The following CPO variants were observed in gnomAD, a reference collection of about 807,000 sequenced individuals.
The protein encoded by CPO is carboxypeptidase O, also known as metallocarboxypeptidase C.
In CPO, 43 loss-of-function variants were observed where a neutral mutation model predicts 41.2. The ratio of observed to expected loss-of-function variants is 1.04; its 90% CI spans 0.82 to 1.35. The LOEUF (loss-of-function observed/expected upper bound fraction) is 1.35, where lower values mean the gene tolerates loss of function less well. Among genes scored for constraint, CPO ranks in the 40% most tolerant of loss-of-function variants. CPO has a pLI of 0.00. For synonymous variants in CPO, 178 were observed against 162.7 expected (o/e 1.09, Z -0.72); for missense variants, 408 against 451.7 (o/e 0.90, Z 0.88).
At chr2:206,952,120 C>CT (rs11456482) in intron 2 of CPO, among the ~76,000 whole-genome samples, 102,683 of 149,174 alleles carry the variant, frequency 0.69, 35,558 homozygotes, top group Middle Eastern at 0.82. Flanking sequence ...CCTCAATTAA[C>CT]TTTTTTTTTT....
intron 7 of CPO, among the ~76,000 whole-genome samples, chr2:206,968,054 G>T (rs991489499): frequency 2.6e-5 from 4 of 152,196 alleles, no homozygotes; most frequent in African/African-American, 9.7e-5. Context: ...ATGAAAGTCA[G>T]AGCAGCCTTA....
chr2:206,958,108 T>C lies in CPO; in HGVS notation c.268-193T>C, dbSNP rs189973830. On this transcript the variant is annotated intron_variant, in intron 3 of 8. Coordinates refer to ENST00000272852, the MANE Select transcript of CPO (RefSeq NM_173077.3). ...TCCTGAGAACAACCATCAAGGTAAC[T>C]GGCAGGAGAACAAGAGTAGCAGAGG... 7.6e-3 allele frequency among the ~76,000 whole-genome samples: 1,163 copies of C among 152,288 alleles called. 20 individuals carry two copies. The highest frequency in any genetic ancestry group is 0.027 in the African/African-American group (1,117 of 41,556).
intron 7 of CPO, among the ~76,000 whole-genome samples, chr2:206,963,352 G>A (rs1323716834): frequency 6.6e-6 from 1 of 151,834 alleles, no homozygotes; most frequent in Admixed American, 6.6e-5. Flanking sequence ...CGTTTTAATT[G>A]TGGTAAAATA....
intron 1 of CPO, among the ~76,000 whole-genome samples, chr2:206,943,702 A>G (rs1559068285): frequency 7.8e-5 from 11 of 141,860 alleles, no homozygotes; most frequent in Non-Finnish European, 1.1e-4. Context: ...ATAGATAGAT[A>G]GATAGATAGA....
chr2:206,957,194 G>A (rs1203889546), intron 3 of CPO, among the ~76,000 whole-genome samples: 2 of 151,982 alleles, frequency 1.3e-5, no homozygotes, highest in African/African-American at 4.8e-5. Context: ...TAGCTAACAC[G>A]GTAAAACCCC....
chr2:206,949,637 A>C lies in CPO; in HGVS notation c.89A>C (p.Gln30Pro). The C allele has an allele frequency of 6.2e-7, 1 of 1,613,206 alleles. No individual in the cohort carries two copies. The highest frequency in any genetic ancestry group is 2.2e-5 in the East Asian group (1 of 44,868). ...GYDRSLAQHR[Q>P]EIVDKSVSPW... Reference sequence around the variant, plus strand: ...TGCAGATCCTTAGCCCAACACAGACAAGAGATTGTGGACAAGTCAGTGAGT... The same window carrying C: ...TGCAGATCCTTAGCCCAACACAGACCAGAGATTGTGGACAAGTCAGTGAGT... Residue 30 changes from glutamine to proline, a missense_variant, in exon 2 of 9, where the codon CAA becomes CCA. By Grantham distance (76) the Gln-to-Pro change is moderately conservative. Coordinates refer to ENST00000272852, the MANE Select transcript of CPO (RefSeq NM_173077.3).
chr2:206,949,579 T>C (rs772034976), intron 1 of CPO, 38 bp from the exon 2 acceptor site: 2 of 1,488,490 alleles, frequency 1.3e-6, no homozygotes, highest in Admixed American at 1.7e-5. Flanking sequence ...TATCCCAGTT[T>C]CACCACTGCT....
At chr2:206,951,785 A>C (rs1232344809) in intron 2 of CPO, among the ~76,000 whole-genome samples, 1 of 152,238 alleles carries the variant, frequency 6.6e-6, no homozygotes, top group Non-Finnish European at 1.5e-5. Context: ...TCTATCTTGT[A>C]GCATTGTTGT....
intron 7 of CPO, 62 bp downstream of exon 7, chr2:206,962,676 T>C: frequency 1.5e-6 from 2 of 1,378,210 alleles, no homozygotes; most frequent in Admixed American, 3.5e-5. Context: ...TTCCTTTTTC[T>C]GATTTCCATT....
intron 4 of CPO, among the ~76,000 whole-genome samples, chr2:206,959,029 C>T (rs1693429616): frequency 6.6e-6 from 1 of 152,116 alleles, no homozygotes; most frequent in Non-Finnish European, 1.5e-5. Flanking sequence ...GCATGAGCCA[C>T]CATGCCCAGC....
chr2:206,967,031 G>A (rs1010251742), intron 7 of CPO, among the ~76,000 whole-genome samples: 1 of 152,122 alleles, frequency 6.6e-6, no homozygotes, highest in Non-Finnish European at 1.5e-5. Context: ...GGGAGCTGGT[G>A]CACCTGGAGT....
At chr2:206,947,772 T>C (rs1405221301) in intron 1 of CPO, among the ~76,000 whole-genome samples, 2 of 152,104 alleles carry the variant, frequency 1.3e-5, no homozygotes, top group Admixed American at 6.6e-5. Context: ...AAAGAAAATA[T>C]AGAGACAGCG....
rs898140395 is a variant in CPO, at chr2:206,957,953, A to G, written c.268-348A>G. Among the ~76,000 whole-genome samples, 9 of 152,330 alleles carry G rather than the reference A, an allele frequency of 5.9e-5. No individual in the cohort carries two copies. The East Asian group carries it at 1.5e-3, about 26-fold the overall frequency. On this transcript the variant is annotated intron_variant, in intron 3 of 8. Transcript: ENST00000272852. ...AGTGAACTCTAAGTGCAAAGGTTTT[A>G]TAAGGTTTATCCATATTTAGCCTTT...
chr2:206,943,718 GATGGATAGATGATA>G (rs1693078897), intron 1 of CPO, among the ~76,000 whole-genome samples: 2 of 63,052 alleles, frequency 3.2e-5, no homozygotes, highest in African/African-American at 6.2e-5. Flanking sequence ...ATAGATAGAT[GATGGATAGATGATA>G]GATAGATAGA....
At chr2:206,964,154 G>A (rs569328801) in intron 7 of CPO, among the ~76,000 whole-genome samples, 7 of 152,198 alleles carry the variant, frequency 4.6e-5, no homozygotes, top group African/African-American at 1.4e-4. Context: ...TCCGGAGCAC[G>A]ACCCAGAAGA....
intron 5 of CPO, among the ~76,000 whole-genome samples, chr2:206,959,978 G>GT (rs1435796098): frequency 2.0e-5 from 3 of 152,070 alleles, no homozygotes; most frequent in Non-Finnish European, 2.9e-5. Context: ...TTTTTTCTTT[G>GT]TTTTTTACTC....
intron 2 of CPO, among the ~76,000 whole-genome samples, chr2:206,950,799 A>C (rs148531189): frequency 0.011 from 1,734 of 152,226 alleles, 31 homozygotes; most frequent in African/African-American, 0.039. Context: ...GCTGGAAACC[A>C]TCATTCTAAG....
At chr2:206,947,940 G>A (rs1356300365) in intron 1 of CPO, among the ~76,000 whole-genome samples, 1 of 152,178 alleles carries the variant, frequency 6.6e-6, no homozygotes, top group Non-Finnish European at 1.5e-5. Context: ...TGCTGACAAG[G>A]ATGTGGAGCA....
chr2:206,941,340 GT>G (rs1693026665), intron 1 of CPO, among the ~76,000 whole-genome samples: 1 of 152,032 alleles, frequency 6.6e-6, no homozygotes, highest in Non-Finnish European at 1.5e-5. Context: ...GAAAATGTAT[GT>G]TTTATGCTAA....
Sources: allele counts gnomAD v4.1 joint callset (sites outside exome capture counted in the v4.1 genomes callset), GRCh38; gene constraint gnomAD v4.1.1; transcripts MANE v1.5; gene names NCBI Gene and HGNC (gene_info 2026-07-23, HGNC 2026-07-21).